The following CYSLTR1 variants were observed in gnomAD, a reference collection of about 807,000 sequenced individuals.
The protein encoded by CYSLTR1 is G-protein coupled receptor HG55.
CYSLTR1 carries 1 observed loss-of-function variant against 2.1 expected under a neutral mutation model. The ratio of observed to expected loss-of-function variants is 0.48; its 90% confidence interval spans 0.17 to 2.28. The LOEUF (loss-of-function observed/expected upper bound fraction) is 2.28. CYSLTR1 is among the 30% of genes most tolerant of loss of function. CYSLTR1 has a pLI of 0.26. For missense variants in CYSLTR1, 299 were observed against 250.1 expected, an observed-to-expected ratio of 1.20 and a Z score of -1.32; for synonymous variants, 110 against 89.6, an observed-to-expected ratio of 1.23 and a Z score of -1.28.
intron 1 of CYSLTR1, among the ~76,000 whole-genome samples, chrX:78,289,264 T>C (rs1380380802): frequency 9.0e-6 from 1 of 111,604 alleles, no homozygotes; most frequent in Admixed American, 9.5e-5. Context: ...GCTTCTAGCT[T>C]CATCCATGTC....
At chrX:78,298,886 A>G (rs181994435) in intron 1 of CYSLTR1, among the ~76,000 whole-genome samples, 1 of 111,245 alleles carries the variant, frequency 9.0e-6, no homozygotes, top group African/African-American at 3.2e-5. Context: ...GTCATTATTA[A>G]TAAGTAGGGA....
Position 78,272,613 on chromosome X carries a change from C to T in CYSLTR1, c.*120G>A. On this transcript the variant is annotated 3_prime_UTR_variant, in exon 3 of 3. Coordinates refer to ENST00000373304, the MANE Select transcript of CYSLTR1 (RefSeq NM_006639.4). ...TGCATAAATGAGATAGAGTTGTAGG[C>T]CCAAATAGTTAAGTATTTGTAAAAT... 1 of 692,345 alleles carries T rather than the reference C, an allele frequency of 1.4e-6. No individual in the cohort carries two copies. Among genetic ancestry groups the T allele is most frequent in the Non-Finnish European group, 2.0e-6 (1 of 498,129 alleles). The allele number at this position is 692,345 out of a possible 1,213,427, so 57.1% of individuals were successfully genotyped here. A position where few individuals can be genotyped will look rare whatever the true frequency, so the allele number is the denominator to read the frequency against.
intron 2 of CYSLTR1, among the ~76,000 whole-genome samples, chrX:78,282,907 C>A (rs890424799): frequency 1.8e-5 from 2 of 111,989 alleles, no homozygotes; most frequent in African/African-American, 6.5e-5. Context: ...AATAACTTCC[C>A]AGTCCTTGCA....
chrX:78,324,517 C>T (rs890485681), intron 1 of CYSLTR1, among the ~76,000 whole-genome samples: 1 of 111,091 alleles, frequency 9.0e-6, no homozygotes, highest in African/African-American at 3.3e-5. Context: ...ACAGGCATGC[C>T]TCATGACACC....
At chrX:78,289,437 T>C (rs1922218217) in intron 1 of CYSLTR1, among the ~76,000 whole-genome samples, 1 of 112,235 alleles carries the variant, frequency 8.9e-6, no homozygotes, top group African/African-American at 3.2e-5. Flanking sequence ...TGTGCATGTG[T>C]CTTTATAGTA....
rs962784378 is a variant in CYSLTR1 at position 78,293,139 on chromosome X, T to C, written c.-114-9599A>G. The stretch of plus-strand genomic sequence containing the variant: ...ACTGGTTGTTCCTTTCCATGTTTAG[T>C]GCTTCCTTCAGGAGCTCTTTTAGGG... On this transcript the variant is annotated intron_variant, in intron 1 of 2. Transcript: ENST00000373304. Among the ~76,000 whole-genome samples the C allele has an allele frequency of 1.1e-4, 12 of 111,045 alleles. No individual in the cohort carries two copies. The East Asian group carries it at 3.4e-3, about 31-fold the overall frequency.
intron 1 of CYSLTR1, among the ~76,000 whole-genome samples, chrX:78,292,566 G>T (rs2147259936): frequency 9.0e-6 from 1 of 111,084 alleles, no homozygotes; most frequent in East Asian, 2.8e-4. Flanking sequence ...TTGACAGTGG[G>T]GTGTTAAAGA....
At chrX:78,277,740 G>T (rs1921659088) in intron 2 of CYSLTR1, among the ~76,000 whole-genome samples, 1 of 111,389 alleles carries the variant, frequency 9.0e-6, no homozygotes, top group Non-Finnish European at 1.9e-5. Context: ...ACCCTCAAGG[G>T]CATCAAATAA....
At chrX:78,289,393 T>G (rs1358390411) in intron 1 of CYSLTR1, among the ~76,000 whole-genome samples, 1 of 112,378 alleles carries the variant, frequency 8.9e-6, no homozygotes, top group East Asian at 2.8e-4. Context: ...TTCCAAGTCT[T>G]TGCTATTGTG....
At chrX:78,321,145 G>T (rs1415667543) in intron 1 of CYSLTR1, 1 of 107,737 alleles carries the variant, frequency 9.3e-6, no homozygotes, top group Non-Finnish European at 1.9e-5. Flanking sequence ...ACGTGTGTGT[G>T]TGTGTGTGTG....
At chrX:78,309,282 C>T (rs893836343) in intron 1 of CYSLTR1, among the ~76,000 whole-genome samples, 7 of 111,267 alleles carry the variant, frequency 6.3e-5, no homozygotes, top group South Asian at 3.8e-4. Context: ...TTTTAGAAGC[C>T]CCTTATTGTT....
At chrX:78,285,235 A>G (rs12846527) in intron 1 of CYSLTR1, among the ~76,000 whole-genome samples, 2 of 109,814 alleles carry the variant, frequency 1.8e-5, no homozygotes, top group African/African-American at 6.6e-5. Context: ...GATAGGAACC[A>G]CGGTGAAACC....
chrX:78,294,362 G>T (rs891596709), intron 1 of CYSLTR1, among the ~76,000 whole-genome samples: 7 of 112,460 alleles, frequency 6.2e-5, no homozygotes, highest in African/African-American at 2.3e-4. Context: ...TCATCCCAGA[G>T]GGGCACTCAC....
At chrX:78,325,810 T>A (rs1448625352) in intron 1 of CYSLTR1, among the ~76,000 whole-genome samples, 1 of 112,202 alleles carries the variant, frequency 8.9e-6, no homozygotes, top group Non-Finnish European at 1.9e-5. Flanking sequence ...TTCCCTTTAT[T>A]ATCCTTTATT....
At chrX:78,300,750 T>C (rs1366246961) in intron 1 of CYSLTR1, among the ~76,000 whole-genome samples, 1 of 112,845 alleles carries the variant, frequency 8.9e-6, no homozygotes, top group Non-Finnish European at 1.9e-5. Context: ...GGCAGGTCTA[T>C]CCCATGCTGT....
intron 1 of CYSLTR1, among the ~76,000 whole-genome samples, chrX:78,317,529 T>C (rs949095709): frequency 2.7e-5 from 3 of 112,578 alleles, no homozygotes; most frequent in Admixed American, 9.4e-5. Context: ...CACATGCACA[T>C]GCATGTTTAT....
intron 1 of CYSLTR1, among the ~76,000 whole-genome samples, chrX:78,303,160 C>T (rs1299224364): frequency 8.9e-6 from 1 of 111,757 alleles, no homozygotes; most frequent in Non-Finnish European, 1.9e-5. Flanking sequence ...CCATGGGTGG[C>T]CATCAGCTGA....
At chrX:78,284,694 A>G (rs1223441031) in intron 1 of CYSLTR1, among the ~76,000 whole-genome samples, 1 of 105,928 alleles carries the variant, frequency 9.4e-6, no homozygotes, top group Non-Finnish European at 1.9e-5. Flanking sequence ...GAGCCACTAC[A>G]CCTGGCCCCT....
chrX:78,286,307 G>C, intron 1 of CYSLTR1, among the ~76,000 whole-genome samples: 1 of 110,611 alleles, frequency 9.0e-6, no homozygotes, highest in East Asian at 2.8e-4. Context: ...TGCTGAATAG[G>C]ATTTCATTAT....
Sources: gnomAD v4.1 joint callset for allele counts (sites outside exome capture counted in the v4.1 genomes callset) on GRCh38, gnomAD v4.1.1 for gene constraint, MANE v1.5 for transcripts, NCBI Gene and HGNC (gene_info 2026-07-23, HGNC 2026-07-21) for gene names.